The following FGF16 variants were observed in gnomAD, a reference collection of about 807,000 sequenced individuals.
The protein encoded by FGF16 is metacarpal 4-5 fusion.
Under a neutral mutation model 8.5 loss-of-function variants are expected in FGF16, and 2 were observed. The observed-to-expected ratio is 0.24, with a 90% CI of 0.10 to 0.75. The LOEUF is 0.75. Among genes scored for constraint, FGF16 ranks in the 30% least tolerant of loss-of-function variants. FGF16 has a pLI of 0.74. For synonymous variants in FGF16, 33 were observed against 34.6 expected (o/e 0.95, Z 0.16); for missense variants, 79 against 87.4 (o/e 0.90, Z 0.38).
chrX:77,449,645 A>G (rs1221775463), intron 1 of FGF16, among the ~76,000 whole-genome samples: 1 of 112,034 alleles, frequency 8.9e-6, no homozygotes, highest in Non-Finnish European at 1.9e-5. Context: ...AGCTGAGCCC[A>G]GTAACCTACA....
intron 2 of FGF16, among the ~76,000 whole-genome samples, chrX:77,455,960 C>G (rs2147428084): frequency 8.9e-6 from 1 of 112,120 alleles, no homozygotes; most frequent in South Asian, 3.8e-4. Flanking sequence ...TCAGTGGGTA[C>G]CAGCAGGGCA....
chrX:77,450,469 T>C (rs1420851600), intron 1 of FGF16, among the ~76,000 whole-genome samples: 1 of 112,658 alleles, frequency 8.9e-6, no homozygotes, highest in East Asian at 2.8e-4. Context: ...ACAAGGATAC[T>C]GACATTCCGA....
At position 77,456,511 on chromosome X, in the gene FGF16, C is replaced by T; in HGVS notation, c.613C>T (p.His205Tyr). Residue 205 changes from histidine (H) to tyrosine (Y), a missense_variant, in exon 3 of 3, where the codon CAC becomes TAC. His to Tyr is a moderately conservative substitution (Grantham distance 83, BLOSUM62 2). Coordinates refer to ENST00000439435, the MANE Select transcript of FGF16 (RefSeq NM_003868.3). ...GCCCTCCATGTCCAGAGACCTCTTT[C>T]ACTATAGGTAATGAACCTCTGGTGT... is the stretch of plus-strand genomic sequence containing the variant. ...KLPSMSRDLF[H>Y]YR 1 of 1,210,277 alleles carries T rather than the reference C, an allele frequency of 8.3e-7. No homozygotes were observed. The highest frequency in any genetic ancestry group is 1.1e-6 in the Non-Finnish European group (1 of 894,260).
Position 77,453,220 on chromosome X carries a change from G to A in FGF16, c.275-937G>A, listed in dbSNP as rs147173358. ...TGTGATTACAGGCAGGAATATCAAA[G>A]AGGAATCTAGTTGACTATTATGTCT... On this transcript the variant is annotated intron_variant, in intron 1 of 2. Transcript: ENST00000439435. Among the ~76,000 whole-genome samples, 450 of 112,266 alleles carry A rather than the reference G, an allele frequency of 4.0e-3. 1 individual carries two copies. The highest frequency in any genetic ancestry group is 0.014 in the African/African-American group (424 of 30,931).
chrX:77,449,374 G>A (rs1416978108), intron 1 of FGF16, among the ~76,000 whole-genome samples: 3 of 111,337 alleles, frequency 2.7e-5, no homozygotes, highest in African/African-American at 9.8e-5. Context: ...AGGAGAGGGA[G>A]TGTTAACTTG....
chrX:77,454,663 A>G (rs2062567566), intron 2 of FGF16, among the ~76,000 whole-genome samples: 1 of 103,744 alleles, frequency 9.6e-6, no homozygotes, highest in African/African-American at 3.5e-5. Flanking sequence ...TCAAAAAAAA[A>G]AGAAATTTAT....
chrX:77,454,260 G>T lies in FGF16; in HGVS notation c.378G>T (p.Ser126=), dbSNP rs781972271. ...GMNERGELYG[S]KKLTRECVFR... ...ATGAGCGAGGAGAACTCTATGGGTCGGTAAGTTTAAGGTTTTTTTTTTTTT... is the reference window on the plus strand; with the variant it reads ...ATGAGCGAGGAGAACTCTATGGGTCTGTAAGTTTAAGGTTTTTTTTTTTTT... The change falls in exon 2 of 3, where the codon TCG becomes TCT. Residue 126 remains serine, a splice_region_variant and synonymous_variant. Coordinates refer to ENST00000439435, the MANE Select transcript of FGF16 (RefSeq NM_003868.3). 5.3e-6 allele frequency: 3 copies of T among 564,240 alleles called. No individual in the cohort carries two copies. In the East Asian group the frequency reaches 1.4e-4, roughly 26 times the overall value. 46.5% of individuals were successfully genotyped at this position (564,240 alleles called of 1,213,427 possible). A position where few individuals can be genotyped will look rare whatever the true frequency, so the allele number is the denominator to read the frequency against.
intron 1 of FGF16, among the ~76,000 whole-genome samples, chrX:77,450,628 C>G (rs1170323752): frequency 8.9e-6 from 1 of 112,306 alleles, no homozygotes; most frequent in South Asian, 3.7e-4. Context: ...AGCACTGTCT[C>G]GGCCCCAAAG....
intron 1 of FGF16, among the ~76,000 whole-genome samples, chrX:77,453,162 C>G (rs781873348): frequency 8.9e-6 from 1 of 111,784 alleles, no homozygotes; most frequent in South Asian, 3.8e-4. Flanking sequence ...CCTTGGATGA[C>G]TTAAACAAGT....
At chrX:77,448,281 C>T (rs951965253) in intron 1 of FGF16, among the ~76,000 whole-genome samples, 1 of 112,727 alleles carries the variant, frequency 8.9e-6, no homozygotes, top group African/African-American at 3.2e-5. Flanking sequence ...TGGGAGCTCT[C>T]GCCTAGGAGG....
rs782034788 is a variant in FGF16, at chrX:77,454,272, GTTTTTTTTTTT to G, written c.378+32_378+42del. The G allele has an allele frequency of 7.3e-5, 11 of 151,454 alleles. No individual in the cohort carries two copies. The highest frequency in any genetic ancestry group is 1.1e-4 in the Non-Finnish European group (10 of 88,317). The allele number at this position is 151,454 out of a possible 1,213,427, so 12.5% of individuals were successfully genotyped here. ...AACTCTATGGGTCGGTAAGTTTAAGGTTTTTTTTTTTTTTTTTTTTTTTTTTTTTTGGTCAG... is the reference window on the plus strand; with the variant it reads ...AACTCTATGGGTCGGTAAGTTTAAGGTTTTTTTTTTTTTTTTTTTGGTCAG... On this transcript the variant is annotated intron_variant, in intron 2 of 2. Transcript: ENST00000439435.
At chrX:77,447,971 G>C (rs971326295) in intron 1 of FGF16, 23 bp downstream of exon 1, 2 of 297,114 alleles carry the variant, frequency 6.7e-6, no homozygotes, top group African/African-American at 5.4e-5. Context: ...TCGGGGGAAC[G>C]GGAGGCGGGC....
At chrX:77,455,151 G>A (rs2062568865) in intron 2 of FGF16, among the ~76,000 whole-genome samples, 1 of 112,054 alleles carries the variant, frequency 8.9e-6, no homozygotes, top group African/African-American at 3.2e-5. Flanking sequence ...TTCATTAGAA[G>A]GCCAGCTAGT....
chrX:77,453,877 C>A (rs1023296177), intron 1 of FGF16, among the ~76,000 whole-genome samples: 1 of 111,818 alleles, frequency 8.9e-6, no homozygotes, highest in African/African-American at 3.3e-5. Context: ...GTAGCCAAAG[C>A]CTTCTCATGG....
rs782437063 is a variant in FGF16, at chrX:77,456,037, C to A, written c.379-240C>A. Among the ~76,000 whole-genome samples the A allele has an allele frequency of 6.2e-5, 7 of 112,197 alleles. No homozygotes were observed. The South Asian group carries it at 2.6e-3, about 42-fold the overall frequency. ...GTGATGCCATCTCCTCCAATCTCCTCCCTTCAGGAAAGATTTCAACTAAAA... is the reference window on the plus strand; with the variant it reads ...GTGATGCCATCTCCTCCAATCTCCTACCTTCAGGAAAGATTTCAACTAAAA... On this transcript the variant is annotated intron_variant, in intron 2 of 2. Coordinates refer to ENST00000439435, the MANE Select transcript of FGF16 (RefSeq NM_003868.3).
intron 2 of FGF16, 151 bp from the exon 3 acceptor site, chrX:77,456,126 G>A (rs1196392447): frequency 2.0e-6 from 1 of 503,980 alleles, no homozygotes; most frequent in African/African-American, 2.4e-5. Context: ...TGTGCTATTT[G>A]GAAGAAAGTT....
rs2062575223 is a variant in FGF16, at chrX:77,457,245, T to C, written c.*723T>C. The C allele has an allele frequency of 8.9e-6, 1 of 112,094 alleles. No homozygotes were observed. Among genetic ancestry groups the C allele is most frequent in the South Asian group, 3.7e-4 (1 of 2,706 alleles). The allele number at this position is 112,094 out of a possible 1,213,427, so 9.2% of individuals were successfully genotyped here. ...AGGATAAAATGAGTTATTAAAGGCT[T>C]TTACTGACAATAAAATTTGTCTTTA... is the stretch of plus-strand genomic sequence containing the variant. On this transcript the variant is annotated 3_prime_UTR_variant, in exon 3 of 3. Coordinates refer to ENST00000439435, the MANE Select transcript of FGF16 (RefSeq NM_003868.3).
chrX:77,448,535 G>A (rs1449520899), intron 1 of FGF16, among the ~76,000 whole-genome samples: 1 of 112,019 alleles, frequency 8.9e-6, no homozygotes. Flanking sequence ...ACCTCGCGGT[G>A]TCCACCGTGT....
chrX:77,450,873 TA>T (rs1297740035), intron 1 of FGF16, among the ~76,000 whole-genome samples: 4 of 111,349 alleles, frequency 3.6e-5, no homozygotes, highest in African/African-American at 1.3e-4. Flanking sequence ...CTTGAAGGGG[TA>T]AGAGTACTGA....
Sources: allele counts gnomAD v4.1 joint callset (sites outside exome capture counted in the v4.1 genomes callset), GRCh38; gene constraint gnomAD v4.1.1; transcripts MANE v1.5; gene names NCBI Gene and HGNC (gene_info 2026-07-23, HGNC 2026-07-21).